The following PTPRG variants were observed in gnomAD, a reference collection of about 807,000 sequenced individuals.
PTPRG encodes the protein receptor-type tyrosine-protein phosphatase gamma.
In PTPRG, 102 loss-of-function variants were observed where a neutral mutation model predicts 165.3. The ratio of observed to expected loss-of-function variants is 0.62; its 90% CI spans 0.53 to 0.73. PTPRG has a LOEUF of 0.73. Among genes scored for constraint, PTPRG ranks in the 30% least tolerant of loss-of-function variants. The pLI, the probability that PTPRG is intolerant of heterozygous loss-of-function variation, is 0.00. For synonymous variants in PTPRG, 675 were observed against 669.5 expected, an observed-to-expected ratio of 1.01 and a Z score of -0.13; for missense variants, 1,866 against 1,861.4, an observed-to-expected ratio of 1.00 and a Z score of -0.05.
chr3:61,788,179 G>T lies in PTPRG; in HGVS notation c.190+39197G>T, dbSNP rs148320822. On this transcript the variant is annotated intron_variant, in intron 2 of 29. Coordinates refer to ENST00000474889, the MANE Select transcript of PTPRG (RefSeq NM_002841.4). ...TTTTCAGCATCAACGTGTGCTGCAT[G>T]GCGTCTTCTAAGTATCAAAGCAGAG... 7.9e-5 allele frequency among the ~76,000 whole-genome samples: 12 copies of T among 152,172 alleles called. No homozygotes were observed. In the East Asian group the frequency reaches 2.1e-3, roughly 27 times the overall value.
At chr3:61,693,275 A>G (rs986216483) in intron 1 of PTPRG, among the ~76,000 whole-genome samples, 1 of 152,184 alleles carries the variant, frequency 6.6e-6, no homozygotes, top group East Asian at 1.9e-4. Context: ...TTATGTTCCC[A>G]TTAGGTTTTG....
intron 10 of PTPRG, among the ~76,000 whole-genome samples, chr3:62,197,880 T>C (rs960020082): frequency 6.6e-6 from 1 of 152,224 alleles, no homozygotes; most frequent in African/African-American, 2.4e-5. Context: ...AGTGTCTCCT[T>C]GTCTACAGAC....
intron 2 of PTPRG, among the ~76,000 whole-genome samples, chr3:61,872,316 A>C (rs540464798): frequency 6.6e-6 from 1 of 152,276 alleles, no homozygotes; most frequent in Non-Finnish European, 1.5e-5. Context: ...ACACCTGTGA[A>C]TAGTCACTTC....
At position 62,025,328 on chromosome 3, in the gene PTPRG, C is replaced by G. The variant is rs535749022; in HGVS notation, c.519+21831C>G. Among the ~76,000 whole-genome samples the G allele has an allele frequency of 3.9e-5, 6 of 152,196 alleles. No individual in the cohort carries two copies. The South Asian group carries it at 1.2e-3, about 32-fold the overall frequency. Reference sequence around the variant, plus strand: ...TTGCTTTACATTTTGCTTTGGTGTTCGAGAAACCTTGGCAAAAGGACTGGG... The same window carrying G: ...TTGCTTTACATTTTGCTTTGGTGTTGGAGAAACCTTGGCAAAAGGACTGGG... On this transcript the variant is annotated intron_variant, in intron 4 of 29. Coordinates refer to ENST00000474889, the MANE Select transcript of PTPRG (RefSeq NM_002841.4).
intron 3 of PTPRG, among the ~76,000 whole-genome samples, chr3:61,998,510 T>A (rs141720981): frequency 6.6e-6 from 1 of 152,290 alleles, no homozygotes; most frequent in Non-Finnish European, 1.5e-5. Context: ...CACCAAGAAG[T>A]GCATTAACTT....
chr3:61,869,351 G>C (rs540692863), intron 2 of PTPRG, among the ~76,000 whole-genome samples: 2 of 152,316 alleles, frequency 1.3e-5, no homozygotes, highest in South Asian at 4.1e-4. Context: ...TGCAAACTGT[G>C]TGCAGATCTT....
At chr3:61,842,171 T>C (rs975488661) in intron 2 of PTPRG, among the ~76,000 whole-genome samples, 2 of 152,218 alleles carry the variant, frequency 1.3e-5, no homozygotes, top group Non-Finnish European at 2.9e-5. Context: ...CCCTATACCA[T>C]GTTTAGTTCA....
At chr3:61,802,815 T>A (rs1052020565) in intron 2 of PTPRG, among the ~76,000 whole-genome samples, 6 of 152,158 alleles carry the variant, frequency 3.9e-5, no homozygotes, top group African/African-American at 1.4e-4. Flanking sequence ...TCATGGGGAC[T>A]GTGAGGACCT....
chr3:61,896,052 CTTA>C (rs761962073), intron 2 of PTPRG, among the ~76,000 whole-genome samples: 2 of 152,144 alleles, frequency 1.3e-5, no homozygotes, highest in South Asian at 4.2e-4. Flanking sequence ...TTAATTTATA[CTTA>C]TTATGTGCAT....
intron 6 of PTPRG, among the ~76,000 whole-genome samples, chr3:62,145,701 C>A (rs961508039): frequency 6.6e-6 from 1 of 152,164 alleles, no homozygotes; most frequent in African/African-American, 2.4e-5. Context: ...GTGCACCTAA[C>A]CCTACCTGGA....
intron 3 of PTPRG, among the ~76,000 whole-genome samples, chr3:62,001,462 G>A (rs1274210208): frequency 6.6e-6 from 1 of 152,150 alleles, no homozygotes; most frequent in East Asian, 1.9e-4. Context: ...AAAATGTTAT[G>A]TATGGAACTT....
At chr3:61,984,297 TTTCTCCAACTTTATA>T (rs1439573728) in intron 2 of PTPRG, among the ~76,000 whole-genome samples, 1 of 152,200 alleles carries the variant, frequency 6.6e-6, no homozygotes, top group Non-Finnish European at 1.5e-5. Context: ...AAAAACTGAA[TTTCTCCAACTTTATA>T]TAAGGTTTTT....
Position 62,292,509 on chromosome 3 carries a change from G to A in PTPRG, c.4144G>A (p.Val1382Ile). ...ENENAVDVFQVAKMINLMRPG... is the reference protein window; with the variant it reads ...ENENAVDVFQIAKMINLMRPG... ...TGAAAATGCTGTGGATGTTTTCCAG[G>A]TTGCAAAAATGATCAATCTTATGAG... The change falls in exon 29 of 30, where the codon GTT becomes ATT. Residue 1382 changes from valine to isoleucine, a missense_variant. By Grantham distance (29) the Val-to-Ile change is conservative. This residue lies in a region of PTPRG where 1,452 missense variants were observed against 1,463.0 expected (regional missense o/e 0.99). Coordinates refer to ENST00000474889, the MANE Select transcript of PTPRG (RefSeq NM_002841.4). 1.2e-6 allele frequency: 2 copies of A among 1,613,524 alleles called. No individual in the cohort carries two copies. Among genetic ancestry groups the A allele is most frequent in the Admixed American group, 1.7e-5 (1 of 59,994 alleles).
At chr3:62,117,243 A>C (rs183864142) in intron 5 of PTPRG, among the ~76,000 whole-genome samples, 8 of 152,346 alleles carry the variant, frequency 5.3e-5, no homozygotes, top group Admixed American at 3.9e-4. Context: ...AAAATGTAAG[A>C]ATAAAGTTTG....
At chr3:61,796,325 TGCCCTGCA>T (rs2035042863) in intron 2 of PTPRG, among the ~76,000 whole-genome samples, 1 of 152,206 alleles carries the variant, frequency 6.6e-6, no homozygotes, top group South Asian at 2.1e-4. Flanking sequence ...TGTAGAAACT[TGCCCTGCA>T]GCAAAGATTA....
chr3:62,107,732 A>G lies in PTPRG; in HGVS notation c.616-24870A>G, dbSNP rs78489787. 6.2e-3 allele frequency among the ~76,000 whole-genome samples: 941 copies of G among 152,376 alleles called. 4 individuals are homozygous for G. The highest frequency in any genetic ancestry group is 0.027 in the Middle Eastern group (8 of 294). ...GAGTCACGGTCAAAGATAAAACAGTAAAAACTCATATTTGTTGATTCATCC... is the reference window on the plus strand; with the variant it reads ...GAGTCACGGTCAAAGATAAAACAGTGAAAACTCATATTTGTTGATTCATCC... On this transcript the variant is annotated intron_variant, in intron 5 of 29. Coordinates refer to ENST00000474889, the MANE Select transcript of PTPRG (RefSeq NM_002841.4).
At chr3:61,976,161 C>G (rs1004923826) in intron 2 of PTPRG, among the ~76,000 whole-genome samples, 2 of 152,146 alleles carry the variant, frequency 1.3e-5, no homozygotes, top group Non-Finnish European at 2.9e-5. Context: ...TTGATATTCT[C>G]AGAGTTGACA....
At chr3:61,591,677 T>C (rs1700573008) in intron 1 of PTPRG, among the ~76,000 whole-genome samples, 1 of 151,948 alleles carries the variant, frequency 6.6e-6, no homozygotes, top group African/African-American at 2.4e-5. Context: ...AGACCTCAGG[T>C]TTTGAACTTG....
intron 28 of PTPRG, among the ~76,000 whole-genome samples, chr3:62,287,272 C>CT (rs543574372): frequency 6.6e-6 from 1 of 151,952 alleles, no homozygotes; most frequent in Non-Finnish European, 1.5e-5. Context: ...GTACAAATGA[C>CT]TTTTTTTTAA....
Sources: allele counts gnomAD v4.1 joint callset (sites outside exome capture counted in the v4.1 genomes callset), GRCh38; gene constraint gnomAD v4.1.1; regional missense constraint gnomAD v4.1.1; transcripts MANE v1.5; gene names NCBI Gene and HGNC (gene_info 2026-07-23, HGNC 2026-07-21).